ENTREP2: variants seen among roughly 807,000 people sequenced by gnomAD.
ENTREP2 encodes the protein protein ENTREP2.
At chr15:29,247,608 C>T in the ENTREP2 span, among the ~76,000 whole-genome samples, 4 of 152,226 alleles carry the variant, frequency 2.6e-5, no homozygotes, top group South Asian at 2.1e-4. Context: ...TATCTGTGTG[C>T]GCATGTGTGC....
the ENTREP2 span, chr15:29,137,101 G>T: frequency 1.4e-6 from 2 of 1,467,292 alleles, no homozygotes; most frequent in African/African-American, 3.0e-5. Context: ...GGGAGTGGGG[G>T]GATGAACTCG....
chr15:29,609,487 G>C, the ENTREP2 span, among the ~76,000 whole-genome samples: 1 of 149,674 alleles, frequency 6.7e-6, no homozygotes, highest in African/African-American at 2.5e-5. Context: ...TTGTGGGAGT[G>C]GATTCACCCC....
chr15:29,282,557 C>T, the ENTREP2 span, among the ~76,000 whole-genome samples: 1 of 152,168 alleles, frequency 6.6e-6, no homozygotes, highest in Non-Finnish European at 1.5e-5. Context: ...GGAGTTACCA[C>T]AAGCTCCCTA....
At chr15:29,207,382 A>C in the ENTREP2 span, among the ~76,000 whole-genome samples, 1 of 149,544 alleles carries the variant, frequency 6.7e-6, no homozygotes, top group Non-Finnish European at 1.5e-5. Flanking sequence ...GAGTGATAAC[A>C]AAGTTTATTA....
the ENTREP2 span, among the ~76,000 whole-genome samples, chr15:29,622,380 G>C: frequency 6.6e-6 from 1 of 151,826 alleles, no homozygotes; most frequent in Admixed American, 6.6e-5. Flanking sequence ...TAATTTTTTT[G>C]TATTTTTAGT....
the ENTREP2 span, among the ~76,000 whole-genome samples, chr15:29,301,422 T>A: frequency 6.6e-6 from 1 of 152,222 alleles, no homozygotes; most frequent in Non-Finnish European, 1.5e-5. Flanking sequence ...AAATTTCAGA[T>A]AATCAGAGCA....
the ENTREP2 span, among the ~76,000 whole-genome samples, chr15:29,484,561 A>G: frequency 6.6e-6 from 1 of 152,228 alleles, no homozygotes; most frequent in Non-Finnish European, 1.5e-5. Flanking sequence ...ATGTGTACAC[A>G]CACACACGCA....
the ENTREP2 span, among the ~76,000 whole-genome samples, chr15:29,297,624 T>C: frequency 6.6e-6 from 1 of 152,190 alleles, no homozygotes; most frequent in Admixed American, 6.5e-5. Context: ...GACTTTGGCA[T>C]GCCTCTTTAT....
At chr15:29,136,856 T>G in the ENTREP2 span, among the ~76,000 whole-genome samples, 1 of 152,274 alleles carries the variant, frequency 6.6e-6, no homozygotes, top group South Asian at 2.1e-4. Flanking sequence ...GCCTCCGGCT[T>G]CTTTCGGGTT....
chr15:29,551,953 C>T, the ENTREP2 span, among the ~76,000 whole-genome samples: 1,355 of 152,162 alleles, frequency 8.9e-3, 15 homozygotes, highest in Admixed American at 0.028. Context: ...CTATTTTTTC[C>T]AGAGATGGAA....
the ENTREP2 span, among the ~76,000 whole-genome samples, chr15:29,448,953 G>C: frequency 1.3e-5 from 2 of 152,122 alleles, no homozygotes; most frequent in Non-Finnish European, 2.9e-5. Context: ...TCCAACCAGG[G>C]GTCTCTTCCC....
chr15:29,177,749 G>A, the ENTREP2 span, among the ~76,000 whole-genome samples: 3 of 152,134 alleles, frequency 2.0e-5, no homozygotes, highest in African/African-American at 4.8e-5. Context: ...AGGCGGCACC[G>A]GGCAGTGAGG....
At chr15:29,232,386 ATAT>A in the ENTREP2 span, among the ~76,000 whole-genome samples, 2 of 152,134 alleles carry the variant, frequency 1.3e-5, no homozygotes, top group African/African-American at 4.8e-5. Context: ...AGCCAACCAA[ATAT>A]TATGGCTTTA....
the ENTREP2 span, among the ~76,000 whole-genome samples, chr15:29,240,237 GCCTGTAATC>G: frequency 6.6e-6 from 1 of 152,092 alleles, no homozygotes; most frequent in African/African-American, 2.4e-5. Flanking sequence ...GGAGGCACAT[GCCTGTAATC>G]CCAGATACTC....
the ENTREP2 span, among the ~76,000 whole-genome samples, chr15:29,324,984 C>T: frequency 1.8e-4 from 27 of 152,268 alleles, no homozygotes; most frequent in African/African-American, 5.3e-4. Flanking sequence ...TGAAATCATA[C>T]AAAGTATGCT....
chr15:29,555,378 A>C, the ENTREP2 span, among the ~76,000 whole-genome samples: 7 of 152,224 alleles, frequency 4.6e-5, no homozygotes, highest in Admixed American at 2.6e-4. Context: ...GGGCTACTAG[A>C]CCGGACAAGG....
the ENTREP2 span, among the ~76,000 whole-genome samples, chr15:29,527,932 A>T: frequency 6.6e-6 from 1 of 152,076 alleles, no homozygotes; most frequent in African/African-American, 2.4e-5. Flanking sequence ...AGGGCTGATG[A>T]GACCTTGCTT....
At chr15:29,299,090 G>A in the ENTREP2 span, among the ~76,000 whole-genome samples, 2 of 152,156 alleles carry the variant, frequency 1.3e-5, no homozygotes. Flanking sequence ...CAGGAAGCTT[G>A]GTCTATCCAT....
the ENTREP2 span, among the ~76,000 whole-genome samples, chr15:29,365,248 T>TTC: frequency 7.7e-6 from 1 of 129,438 alleles, no homozygotes; most frequent in East Asian, 2.4e-4. Flanking sequence ...AATAGCTCAT[T>TTC]TCTTTTTTTT....
Sources: allele counts gnomAD v4.1 joint callset (sites outside exome capture counted in the v4.1 genomes callset), GRCh38; gene constraint gnomAD v4.1.1; transcripts MANE v1.5; gene names NCBI Gene and HGNC (gene_info 2026-07-23, HGNC 2026-07-21).